Variants in KCNN2 observed in about 807,000 individuals in gnomAD.
The protein encoded by KCNN2 is potassium calcium-activated channel subfamily N member 2.
A neutral mutation model predicts 55.5 loss-of-function variants in KCNN2; 24 were observed. The ratio of observed to expected loss-of-function variants is 0.43; its 90% CI spans 0.31 to 0.61. The LOEUF (loss-of-function observed/expected upper bound fraction) is 0.61. KCNN2 is among the 20% of genes least tolerant of loss of function. The pLI is 0.08. For missense variants in KCNN2, 754 were observed against 853.6 expected, an observed-to-expected ratio of 0.88 and a Z score of 1.45; for synonymous variants, 431 against 336.1, an observed-to-expected ratio of 1.28 and a Z score of -3.09.
chr5:114,394,105 A>G (rs1213248213), intron 2 of KCNN2, among the ~76,000 whole-genome samples: 3 of 152,156 alleles, frequency 2.0e-5, no homozygotes, highest in East Asian at 3.9e-4. Flanking sequence ...GATTGTACCA[A>G]TTTACACTTC....
At chr5:114,415,313 C>T (rs554400083) in intron 3 of KCNN2, among the ~76,000 whole-genome samples, 2 of 152,290 alleles carry the variant, frequency 1.3e-5, no homozygotes, top group Admixed American at 1.3e-4. Context: ...ACTTGTTTTT[C>T]TCCTCTTAGG....
At chr5:114,323,991 A>G (rs1049994595) in intron 2 of KCNN2, among the ~76,000 whole-genome samples, 2 of 152,130 alleles carry the variant, frequency 1.3e-5, no homozygotes, top group Admixed American at 1.3e-4. Context: ...GTGTTCTATA[A>G]GGTCCTATAA....
chr5:114,198,069 C>T (rs147122540), intron 1 of KCNN2, among the ~76,000 whole-genome samples: 1 of 152,024 alleles, frequency 6.6e-6, no homozygotes, highest in Non-Finnish European at 1.5e-5. Flanking sequence ...CTCCTCCCCC[C>T]ACTTTTTAAG....
At chr5:114,470,503 T>C (rs990655473) in intron 4 of KCNN2, among the ~76,000 whole-genome samples, 1 of 152,216 alleles carries the variant, frequency 6.6e-6, no homozygotes, top group Non-Finnish European at 1.5e-5. Context: ...TCATAGGTGG[T>C]CACTGATTTG....
intron 1 of KCNN2, among the ~76,000 whole-genome samples, chr5:114,096,638 C>T (rs1455632987): frequency 6.6e-6 from 1 of 151,978 alleles, no homozygotes; most frequent in Non-Finnish European, 1.5e-5. Flanking sequence ...CAGGAAGGTC[C>T]CTCTCTCCCT....
chr5:114,410,244 C>T (rs1191278428), intron 3 of KCNN2, among the ~76,000 whole-genome samples: 1 of 152,120 alleles, frequency 6.6e-6, no homozygotes, highest in Non-Finnish European at 1.5e-5. Flanking sequence ...TGACTTGTAC[C>T]TTTTGAGACT....
intron 2 of KCNN2, among the ~76,000 whole-genome samples, chr5:114,313,403 T>C (rs1361150610): frequency 3.3e-5 from 5 of 152,284 alleles, no homozygotes; most frequent in South Asian, 2.1e-4. Flanking sequence ...TGTATGTATA[T>C]AGCTACAGAA....
At chr5:114,150,963 G>T (rs113712888) in intron 1 of KCNN2, among the ~76,000 whole-genome samples, 11,776 of 152,202 alleles carry the variant, frequency 0.077, 673 homozygotes, top group Non-Finnish European at 0.11. Context: ...AGAGGTTGCG[G>T]TGAGCTGAGA....
chr5:114,242,926 AT>A (rs1309399171), intron 2 of KCNN2, among the ~76,000 whole-genome samples: 1 of 152,182 alleles, frequency 6.6e-6, no homozygotes, highest in Non-Finnish European at 1.5e-5. Context: ...GGACTCATTC[AT>A]TCATCTATTT....
In KCNN2 at chr5:114,320,144, C is replaced by T. The variant is rs184927757; in HGVS notation, c.-184-40801C>T. 5.9e-3 allele frequency among the ~76,000 whole-genome samples: 895 copies of T among 152,134 alleles called. 9 individuals carry two copies. The highest frequency in any genetic ancestry group is 4.5e-3 in the Non-Finnish European group (306 of 68,012). ...AGTAATCATAAAACAGGAAAAGATT[C>T]GAGTACAGTCATATAACTGATGTAT... On this transcript the variant is annotated intron_variant, in intron 2 of 10. Transcript: ENST00000512097.
Position 114,231,501 on chromosome 5 carries a change from A to G in KCNN2, c.-185+9936A>G, listed in dbSNP as rs1318314012. On this transcript the variant is annotated intron_variant, in intron 2 of 10. Transcript: ENST00000512097. ...GGGATCCAGTTTCAGCTTTCTACAT[A>G]TGGCTAGCCAGTTTTCTTATTTTAA... Among the ~76,000 whole-genome samples the G allele has an allele frequency of 2.0e-5, 3 of 150,594 alleles. 1 individual carries two copies. The highest frequency in any genetic ancestry group is 7.5e-5 in the African/African-American group (3 of 40,054).
intron 1 of KCNN2, among the ~76,000 whole-genome samples, chr5:114,091,480 C>T (rs757353422): frequency 4.6e-5 from 7 of 152,158 alleles, no homozygotes; most frequent in African/African-American, 9.7e-5. Context: ...TCCCAGTGGG[C>T]TGAAGTCTTA....
At chr5:114,155,783 C>A (rs973818349) in intron 1 of KCNN2, among the ~76,000 whole-genome samples, 1 of 152,108 alleles carries the variant, frequency 6.6e-6, no homozygotes, top group Non-Finnish European at 1.5e-5. Flanking sequence ...GATATTAGAC[C>A]TTTGTCAGAT....
At chr5:114,154,793 T>C (rs1219572213) in intron 1 of KCNN2, among the ~76,000 whole-genome samples, 1 of 152,162 alleles carries the variant, frequency 6.6e-6, no homozygotes, top group Non-Finnish European at 1.5e-5. Context: ...AGAATTTCTT[T>C]AGAATCATTA....
intron 2 of KCNN2, among the ~76,000 whole-genome samples, chr5:114,269,059 G>A (rs1755267551): frequency 6.6e-6 from 1 of 151,850 alleles, no homozygotes; most frequent in Non-Finnish European, 1.5e-5. Context: ...CCTTCTCCAA[G>A]CTATCATTAC....
intron 2 of KCNN2, among the ~76,000 whole-genome samples, chr5:114,391,432 G>A (rs1018227901): frequency 2.6e-5 from 4 of 151,692 alleles, no homozygotes; most frequent in African/African-American, 9.7e-5. Flanking sequence ...TAAATATATT[G>A]CCCCAAACCA....
At chr5:114,406,118 G>A (rs1343302709) in intron 3 of KCNN2, among the ~76,000 whole-genome samples, 53 of 144,836 alleles carry the variant, frequency 3.7e-4, no homozygotes, top group African/African-American at 1.3e-3. Flanking sequence ...AAAAAAAAAA[G>A]GGTAGTGAAC....
intron 1 of KCNN2, among the ~76,000 whole-genome samples, chr5:114,126,833 A>G (rs893826138): frequency 3.9e-5 from 6 of 152,212 alleles, no homozygotes; most frequent in Non-Finnish European, 8.8e-5. Flanking sequence ...CTTCCTAGAT[A>G]CAATGGGGGT....
chr5:114,312,416 CACACACACACACACACACAT>C (rs1462270575), intron 2 of KCNN2, among the ~76,000 whole-genome samples: 64 of 77,166 alleles, frequency 8.3e-4, no homozygotes, highest in African/African-American at 2.6e-3. Context: ...CACACACACA[CACACACACACACACACACAT>C]ATATATATAT....
Sources: allele counts gnomAD v4.1 joint callset (sites outside exome capture counted in the v4.1 genomes callset), GRCh38; gene constraint gnomAD v4.1.1; transcripts MANE v1.5; gene names NCBI Gene and HGNC (gene_info 2026-07-23, HGNC 2026-07-21).